SPECC1L: variants seen among roughly 807,000 people sequenced by gnomAD.
The protein encoded by SPECC1L is sperm antigen with calponin homology and coiled-coil domains 1 like.
In SPECC1L, 40 loss-of-function variants were observed where a neutral mutation model predicts 116.8. The observed-to-expected ratio is 0.34, with a 90% confidence interval of 0.27 to 0.45. The LOEUF is 0.45. Among genes scored for constraint, SPECC1L ranks in the 20% least tolerant of loss-of-function variants. SPECC1L has a pLI of 1.00. For synonymous variants in SPECC1L, 504 were observed against 500.6 expected (o/e 1.01, Z -0.09); for missense variants, 1,110 against 1,373.6 (o/e 0.81, Z 3.03).
intron 9 of SPECC1L, among the ~76,000 whole-genome samples, chr22:24,334,781 G>A (rs1353064292): frequency 6.6e-6 from 1 of 152,206 alleles, no homozygotes; most frequent in Non-Finnish European, 1.5e-5. Context: ...TTAGACAGAA[G>A]CCTGAATCCC....
chr22:24,377,218 A>G (rs1186868044), intron 14 of SPECC1L, among the ~76,000 whole-genome samples: 1 of 152,196 alleles, frequency 6.6e-6, no homozygotes, highest in Non-Finnish European at 1.5e-5. Flanking sequence ...ATTCCATTGT[A>G]TGGATATGCC....
At chr22:24,316,528 G>T (rs1307776722) in intron 4 of SPECC1L, among the ~76,000 whole-genome samples, 9 of 150,808 alleles carry the variant, frequency 6.0e-5, no homozygotes, top group South Asian at 2.1e-4. Flanking sequence ...AGCACATCTT[G>T]CACCGCCCTT....
chr22:24,344,592 CAAAAAAAAAAAA>C (rs35725042), intron 10 of SPECC1L, among the ~76,000 whole-genome samples: 3 of 117,938 alleles, frequency 2.5e-5, no homozygotes, highest in Non-Finnish European at 5.5e-5. Flanking sequence ...TGCATAAGAC[CAAAAAAAAAAAA>C]AAAAAAGAAA....
chr22:24,366,022 G>C (rs1278524036), intron 13 of SPECC1L, among the ~76,000 whole-genome samples: 4 of 152,006 alleles, frequency 2.6e-5, no homozygotes, highest in African/African-American at 9.7e-5. Flanking sequence ...TCAGTAACTT[G>C]AGGGGATGCA....
chr22:24,297,637 C>T (rs902411364), intron 2 of SPECC1L, among the ~76,000 whole-genome samples: 2 of 152,168 alleles, frequency 1.3e-5, no homozygotes, highest in African/African-American at 4.8e-5. Context: ...GCTTTCCATG[C>T]TTTGAGTACC....
chr22:24,392,137 C>G (rs1159377101), intron 14 of SPECC1L, among the ~76,000 whole-genome samples: 1 of 152,234 alleles, frequency 6.6e-6, no homozygotes, highest in Non-Finnish European at 1.5e-5. Flanking sequence ...GCCCCAGGCT[C>G]TTTCCACTGA....
intron 15 of SPECC1L, 97 bp downstream of exon 15, chr22:24,411,801 C>T (rs2042704205): frequency 8.9e-6 from 9 of 1,011,352 alleles, no homozygotes; most frequent in Admixed American, 5.1e-5. Context: ...CATGCCACAG[C>T]GCTGGCTTGC....
At chr22:24,326,351 T>G (rs918941129) in intron 6 of SPECC1L, among the ~76,000 whole-genome samples, 15 of 152,378 alleles carry the variant, frequency 9.8e-5, no homozygotes, top group African/African-American at 3.4e-4. Flanking sequence ...CCTCGTCTTA[T>G]GTCCAAAACC....
At chr22:24,389,373 C>T (rs902496798) in intron 14 of SPECC1L, among the ~76,000 whole-genome samples, 8 of 152,076 alleles carry the variant, frequency 5.3e-5, no homozygotes, top group Non-Finnish European at 8.8e-5. Context: ...CCTCAACCCC[C>T]CAAAGTGCTG....
chr22:24,401,678 A>G (rs1315526115), intron 14 of SPECC1L, among the ~76,000 whole-genome samples: 1 of 152,188 alleles, frequency 6.6e-6, no homozygotes, highest in Admixed American at 6.5e-5. Flanking sequence ...AGATATCACC[A>G]TAAACTCACC....
At chr22:24,412,950 G>A (rs2042729386) in intron 16 of SPECC1L, among the ~76,000 whole-genome samples, 1 of 152,194 alleles carries the variant, frequency 6.6e-6, no homozygotes, top group Non-Finnish European at 1.5e-5. Context: ...CCCTGAAAGG[G>A]TGGGAGGCCT....
intron 5 of SPECC1L, 147 bp from the exon 6 acceptor site, chr22:24,324,073 T>C (rs773838156): frequency 1.2e-4 from 84 of 678,394 alleles, no homozygotes; most frequent in Non-Finnish European, 2.1e-4. Flanking sequence ...TTTTTCATAC[T>C]TTTTAACAGT....
At chr22:24,369,979 G>A (rs757894318) in intron 14 of SPECC1L, among the ~76,000 whole-genome samples, 2 of 152,204 alleles carry the variant, frequency 1.3e-5, no homozygotes, top group South Asian at 2.1e-4. Flanking sequence ...TCCCCAGCTT[G>A]CAGCTGGTAC....
intron 14 of SPECC1L, among the ~76,000 whole-genome samples, chr22:24,375,536 G>GA (rs578201198): frequency 5.1e-4 from 77 of 152,216 alleles, no homozygotes; most frequent in Admixed American, 1.3e-3. Flanking sequence ...GAATAAAGGG[G>GA]AAAAAACCGC....
chr22:24,286,136 T>G (rs2049040505), intron 2 of SPECC1L, among the ~76,000 whole-genome samples: 1 of 152,228 alleles, frequency 6.6e-6, no homozygotes, highest in African/African-American at 2.4e-5. Context: ...GAATATAGTT[T>G]CGAAGGCTTA....
chr22:24,347,314 A>G (rs969147970), intron 11 of SPECC1L, 138 bp downstream of exon 11: 3 of 693,198 alleles, frequency 4.3e-6, no homozygotes, highest in Non-Finnish European at 7.8e-6. Flanking sequence ...GAAGTTCACT[A>G]GTAAGTATAT....
chr22:24,288,467 A>G (rs896080751), intron 2 of SPECC1L, among the ~76,000 whole-genome samples: 1 of 152,128 alleles, frequency 6.6e-6, no homozygotes, highest in Admixed American at 6.5e-5. Flanking sequence ...ACAGGGAAAA[A>G]GAACTTCTTA....
At chr22:24,388,487 G>T (rs1002434356) in intron 14 of SPECC1L, among the ~76,000 whole-genome samples, 2 of 151,656 alleles carry the variant, frequency 1.3e-5, no homozygotes, top group African/African-American at 2.4e-5. Context: ...GTCTATCATT[G>T]TTGGACATTT....
chr22:24,304,680 C>G (rs1362601397), intron 3 of SPECC1L, among the ~76,000 whole-genome samples: 1 of 152,094 alleles, frequency 6.6e-6, no homozygotes, highest in Non-Finnish European at 1.5e-5. Flanking sequence ...ATAATTTTTT[C>G]TAAAAATTAC....
Sources: gnomAD v4.1 joint callset for allele counts (sites outside exome capture counted in the v4.1 genomes callset) on GRCh38, gnomAD v4.1.1 for gene constraint, MANE v1.5 for transcripts, NCBI Gene and HGNC (gene_info 2026-07-23, HGNC 2026-07-21) for gene names.